The following DBT variants were observed in gnomAD, a reference collection of about 807,000 sequenced individuals.
The protein encoded by DBT is lipoamide acyltransferase component of branched-chain alpha-keto acid dehydrogenase complex, mitochondrial.
DBT carries 40 observed loss-of-function variants against 51.3 expected under a neutral mutation model. The observed-to-expected ratio is 0.78, with a 90% CI of 0.61 to 1.02. DBT has a LOEUF of 1.02. DBT is among the 50% of genes least tolerant of loss of function. The pLI, the probability that DBT is intolerant of heterozygous loss-of-function variation, is 0.00. For missense variants in DBT, 510 were observed against 580.2 expected, an observed-to-expected ratio of 0.88 and a Z score of 1.24; for synonymous variants, 181 against 190.4, an observed-to-expected ratio of 0.95 and a Z score of 0.41.
intron 7 of DBT, chr1:100,211,099 T>C: frequency 1.3e-6 from 1 of 779,232 alleles, no homozygotes; most frequent in Admixed American, 1.7e-5. Context: ...GACATGTTGA[T>C]CTTAAGATTT....
At chr1:100,222,932 C>T (rs1009075340) in intron 4 of DBT, among the ~76,000 whole-genome samples, 2 of 152,208 alleles carry the variant, frequency 1.3e-5, no homozygotes, top group African/African-American at 4.8e-5. Flanking sequence ...AAGGTATTTA[C>T]ACTCTCAATC....
At chr1:100,249,183 G>C in intron 1 of DBT, 2 of 753,880 alleles carry the variant, frequency 2.7e-6, no homozygotes, top group Non-Finnish European at 3.3e-6. Flanking sequence ...GCTAAGACTG[G>C]GAGAAAGAGA....
chr1:100,216,755 CAACTTAA>C (rs1378462129), intron 5 of DBT, among the ~76,000 whole-genome samples: 1 of 152,134 alleles, frequency 6.6e-6, no homozygotes. Flanking sequence ...AAAAACGTAA[CAACTTAA>C]ATAATCATAA....
chr1:100,208,903 T>A, intron 8 of DBT, among the ~76,000 whole-genome samples: 1 of 116,118 alleles, frequency 8.6e-6, no homozygotes, highest in African/African-American at 3.5e-5. Context: ...AGAGCAAGAC[T>A]CTGTATCAAA....
At chr1:100,217,575 A>G (rs1014007733) in intron 5 of DBT, among the ~76,000 whole-genome samples, 5 of 152,238 alleles carry the variant, frequency 3.3e-5, no homozygotes, top group African/African-American at 1.2e-4. Flanking sequence ...GAACATTTTA[A>G]TGACTCTATT....
chr1:100,221,560 A>T, intron 4 of DBT, among the ~76,000 whole-genome samples: 1 of 152,146 alleles, frequency 6.6e-6, no homozygotes, highest in East Asian at 1.9e-4. Context: ...AGTTGACCAA[A>T]TTTGAATTTC....
intron 10 of DBT, among the ~76,000 whole-genome samples, chr1:100,201,391 T>C (rs1432072036): frequency 6.6e-6 from 1 of 151,866 alleles, no homozygotes; most frequent in African/African-American, 2.4e-5. Context: ...CCTCAAGAAA[T>C]ATGAGACTAT....
chr1:100,243,835 G>A (rs2100850672), intron 1 of DBT, among the ~76,000 whole-genome samples: 1 of 151,820 alleles, frequency 6.6e-6, no homozygotes, highest in South Asian at 2.1e-4. Flanking sequence ...TACAACGTAT[G>A]TGAGAAAATA....
rs1372375929 is a variant in DBT at position 100,195,246 on chromosome 1, A to G, written c.*1009T>C. ...GCTACATTTAAAGTACCTTCCTTAC[A>G]TGAGGGAAGTTTGCAAAGGTGAAGG... On this transcript the variant is annotated 3_prime_UTR_variant, in exon 11 of 11. Coordinates refer to ENST00000370132, the MANE Select transcript of DBT (RefSeq NM_001918.5). 1 of 152,668 alleles carries G rather than the reference A, an allele frequency of 6.6e-6. No individual in the cohort carries two copies. Among genetic ancestry groups the G allele is most frequent in the African/African-American group, 2.4e-5 (1 of 41,474 alleles). 9.5% of individuals were successfully genotyped at this position (152,668 alleles called of 1,614,324 possible).
At chr1:100,204,395 A>G (rs991874764) in intron 10 of DBT, among the ~76,000 whole-genome samples, 29 of 152,234 alleles carry the variant, frequency 1.9e-4, no homozygotes, top group African/African-American at 6.0e-4. Flanking sequence ...CCAACTTACA[A>G]GGGATGTGAG....
chr1:100,225,051 A>T (rs1440246063), intron 4 of DBT, among the ~76,000 whole-genome samples: 1 of 36,178 alleles, frequency 2.8e-5, no homozygotes, highest in Non-Finnish European at 6.5e-5. Context: ...AAATATATAT[A>T]TACACACACA....
chr1:100,213,108 T>G (rs1662250767), intron 7 of DBT, among the ~76,000 whole-genome samples: 1 of 152,234 alleles, frequency 6.6e-6, no homozygotes, highest in Non-Finnish European at 1.5e-5. Flanking sequence ...CTTAACAAGT[T>G]TCTCAACCTC....
chr1:100,198,230 G>A (rs1207182297), intron 10 of DBT, among the ~76,000 whole-genome samples: 2 of 152,126 alleles, frequency 1.3e-5, no homozygotes, highest in Non-Finnish European at 2.9e-5. Flanking sequence ...TGAACCTTGA[G>A]CCAGATACAA....
intron 4 of DBT, among the ~76,000 whole-genome samples, chr1:100,219,179 C>T (rs1296886668): frequency 4.6e-5 from 7 of 151,942 alleles, no homozygotes; most frequent in Non-Finnish European, 7.4e-5. Context: ...TAGGGAGACC[C>T]CACCTGTACA....
At chr1:100,200,838 AAC>A (rs1239771949) in intron 10 of DBT, among the ~76,000 whole-genome samples, 1 of 152,226 alleles carries the variant, frequency 6.6e-6, no homozygotes, top group African/African-American at 2.4e-5. Flanking sequence ...AAGAAAAACT[AAC>A]AAACAGAAAG....
In DBT at chr1:100,194,353, T is replaced by TC. The variant is rs1479974480; in HGVS notation, c.*1901dup. 9 of 151,836 alleles carry TC rather than the reference T, an allele frequency of 5.9e-5. No homozygotes were observed. The highest frequency in any genetic ancestry group is 1.2e-4 in the Non-Finnish European group (8 of 68,110). The allele number at this position is 151,836 out of a possible 1,614,324, so 9.4% of individuals were successfully genotyped here. A position where few individuals can be genotyped will look rare whatever the true frequency, so the allele number is the denominator to read the frequency against. On this transcript the variant is annotated 3_prime_UTR_variant, in exon 11 of 11. Transcript: ENST00000370132. Reference sequence around the variant, plus strand: ...TGGCTTTTTGGTTTTTTTTTTTTTTTCTGAGACAAAGTGTTGCTCTGCCAC... The same window carrying TC: ...TGGCTTTTTGGTTTTTTTTTTTTTTTCCTGAGACAAAGTGTTGCTCTGCCAC...
chr1:100,242,135 A>G (rs1373092320), intron 1 of DBT, among the ~76,000 whole-genome samples: 1 of 152,192 alleles, frequency 6.6e-6, no homozygotes, highest in Admixed American at 6.5e-5. Context: ...CTCTGCAGAA[A>G]TTTCTAACCT....
At chr1:100,198,183 T>G (rs1245654231) in intron 10 of DBT, among the ~76,000 whole-genome samples, 1 of 152,198 alleles carries the variant, frequency 6.6e-6, no homozygotes, top group Non-Finnish European at 1.5e-5. Context: ...CTATTTACCC[T>G]TAAAAATTAA....
chr1:100,208,601 TAAATGA>T (rs1373987137), intron 8 of DBT, among the ~76,000 whole-genome samples: 1 of 151,628 alleles, frequency 6.6e-6, no homozygotes, highest in East Asian at 1.9e-4. Context: ...TACAATATAG[TAAATGA>T]AAATGAAGAG....
Sources: allele counts gnomAD v4.1 joint callset (sites outside exome capture counted in the v4.1 genomes callset), GRCh38; gene constraint gnomAD v4.1.1; transcripts MANE v1.5; gene names NCBI Gene and HGNC (gene_info 2026-07-23, HGNC 2026-07-21).